C14orf39: variants seen among roughly 807,000 people sequenced by gnomAD.
C14orf39 encodes chromosome 14 open reading frame 39.
C14orf39 carries 66 observed loss-of-function variants against 85.6 expected under a neutral mutation model. The observed-to-expected ratio is 0.77, with a 90% CI of 0.63 to 0.95. The LOEUF (loss-of-function observed/expected upper bound fraction) is 0.95. C14orf39 is among the 40% of genes least tolerant of loss of function. The pLI is 0.00. For synonymous variants in C14orf39, 242 were observed against 214.0 expected (o/e 1.13, Z -1.14); for missense variants, 735 against 663.9 (o/e 1.11, Z -1.18).
At chr14:60,456,587 T>C (rs963832357) in intron 15 of C14orf39, among the ~76,000 whole-genome samples, 2 of 151,556 alleles carry the variant, frequency 1.3e-5, no homozygotes, top group South Asian at 4.2e-4. Flanking sequence ...CTTTATCCTT[T>C]GGAAAAATCT....
Position 60,453,929 on chromosome 14 carries a change from T to A in C14orf39, c.1503+1072A>T, listed in dbSNP as rs368827471. Among the ~76,000 whole-genome samples the A allele has an allele frequency of 5.3e-5, 8 of 152,076 alleles. No individual in the cohort carries two copies. The South Asian group carries it at 1.0e-3, about 20-fold the overall frequency. On this transcript the variant is annotated intron_variant, in intron 16 of 17. Coordinates refer to ENST00000321731, the MANE Select transcript of C14orf39 (RefSeq NM_174978.3). The stretch of plus-strand genomic sequence containing the variant: ...GCATGTGTTTATGTATTCATTAACT[T>A]TTTTCAGTAGTTTTGTAGTTTTCCT...
chr14:60,473,257 T>A (rs1387802646), intron 5 of C14orf39, among the ~76,000 whole-genome samples: 2 of 152,170 alleles, frequency 1.3e-5, no homozygotes, highest in East Asian at 1.9e-4. Flanking sequence ...GCGTTCTTTG[T>A]TTTTTCTTAT....
chr14:60,442,879 G>C (rs1053310225), intron 16 of C14orf39, among the ~76,000 whole-genome samples: 1 of 152,060 alleles, frequency 6.6e-6, no homozygotes, highest in African/African-American at 2.4e-5. Context: ...TTGTCAAATG[G>C]ACTTTGCTCA....
chr14:60,511,090 G>A, intron 1 of C14orf39: 2 of 1,612,782 alleles, frequency 1.2e-6, no homozygotes, highest in South Asian at 2.2e-5. Context: ...GTAGACTCCA[G>A]CAGCAGGTCC....
intron 16 of C14orf39, among the ~76,000 whole-genome samples, chr14:60,445,678 C>T (rs1890732451): frequency 6.6e-6 from 1 of 152,118 alleles, no homozygotes; most frequent in Non-Finnish European, 1.5e-5. Context: ...ACAAGGATAT[C>T]CAGGACTTGA....
intron 5 of C14orf39, among the ~76,000 whole-genome samples, 154 bp from the exon 6 acceptor site, chr14:60,471,893 ACT>A (rs1459745791): frequency 6.6e-6 from 1 of 151,816 alleles, no homozygotes; most frequent in African/African-American, 2.4e-5. Flanking sequence ...ACTTTCCTTA[ACT>A]CCACCACACT....
intron 7 of C14orf39, among the ~76,000 whole-genome samples, chr14:60,470,447 T>C (rs1209446618): frequency 6.6e-6 from 1 of 151,948 alleles, no homozygotes; most frequent in Non-Finnish European, 1.5e-5. Context: ...TATAAGTCTA[T>C]TATTATCAAG....
intron 15 of C14orf39, among the ~76,000 whole-genome samples, chr14:60,456,337 C>T (rs935757602): frequency 1.3e-5 from 2 of 151,816 alleles, no homozygotes; most frequent in South Asian, 4.2e-4. Context: ...TTGCTTCAGA[C>T]ACTACAACAT....
At chr14:60,509,355 C>A in intron 1 of C14orf39, 8 of 1,553,652 alleles carry the variant, frequency 5.1e-6, no homozygotes, top group Non-Finnish European at 7.0e-6. Flanking sequence ...TGCTGCGTGT[C>A]CCGCTCCGGG....
Position 60,485,986 on chromosome 14 carries a change from C to G in C14orf39, c.-50G>C, listed in dbSNP as rs1226509485. 10 of 153,228 alleles carry G rather than the reference C, an allele frequency of 6.5e-5. No individual in the cohort carries two copies. Among genetic ancestry groups the G allele is most frequent in the African/African-American group, 2.4e-4 (10 of 41,592 alleles). The allele number at this position is 153,228 out of a possible 1,614,324, so 9.5% of individuals were successfully genotyped here. On this transcript the variant is annotated 5_prime_UTR_variant, in exon 1 of 18. Coordinates refer to ENST00000321731, the MANE Select transcript of C14orf39 (RefSeq NM_174978.3). ...GACCCGAACGCCCACACCCTCCCTC[C>G]CTGGGGTCCCAAACTCCACTCAGGA...
chr14:60,484,095 A>G lies in C14orf39; in HGVS notation c.107-278T>C, dbSNP rs1490994433. Reference sequence around the variant, plus strand: ...TCTTTAACATAAAAGGGCTAGATTCAGTGATATCTAAGGTCAATCGTATCT... The same window carrying G: ...TCTTTAACATAAAAGGGCTAGATTCGGTGATATCTAAGGTCAATCGTATCT... On this transcript the variant is annotated intron_variant, in intron 3 of 17. Coordinates refer to ENST00000321731, the MANE Select transcript of C14orf39 (RefSeq NM_174978.3). The surrounding 1 kb of genome is among the most constrained non-coding windows in gnomAD (Gnocchi z 4.2). 6.6e-6 allele frequency among the ~76,000 whole-genome samples: 1 copy of G among 152,216 alleles called. No homozygotes were observed. Among genetic ancestry groups the G allele is most frequent in the Non-Finnish European group, 1.5e-5 (1 of 68,028 alleles).
chr14:60,442,031 G>A (rs758279078), intron 17 of C14orf39, 43 bp downstream of exon 17: 7 of 1,363,110 alleles, frequency 5.1e-6, no homozygotes, highest in Admixed American at 1.7e-5. Context: ...CTGTACTAAT[G>A]AGTTAACATG....
intron 17 of C14orf39, among the ~76,000 whole-genome samples, chr14:60,440,864 T>C (rs953651695): frequency 1.3e-5 from 2 of 152,128 alleles, no homozygotes; most frequent in African/African-American, 4.8e-5. Context: ...TTTTTGCCCT[T>C]TGCTTGGAAC....
intron 16 of C14orf39, among the ~76,000 whole-genome samples, chr14:60,447,992 G>A (rs1422001538): frequency 1.3e-5 from 2 of 152,206 alleles, no homozygotes; most frequent in South Asian, 2.1e-4. Flanking sequence ...CTAGCCATAT[G>A]TAGAAAGCTG....
At chr14:60,478,596 T>C (rs923231924) in intron 4 of C14orf39, among the ~76,000 whole-genome samples, 2 of 152,168 alleles carry the variant, frequency 1.3e-5, no homozygotes, top group Non-Finnish European at 2.9e-5. Context: ...TCAATATTCA[T>C]GAATTTTTAT....
chr14:60,446,375 T>A (rs1245457905), intron 16 of C14orf39, among the ~76,000 whole-genome samples: 1 of 152,158 alleles, frequency 6.6e-6, no homozygotes, highest in Admixed American at 6.6e-5. Context: ...ATATCACCAC[T>A]GATCCCACAG....
At position 60,510,971 on chromosome 14, in the gene C14orf39, G is replaced by C; in HGVS notation, c.-144+4424C>G. The C allele has an allele frequency of 3.7e-6, 4 of 1,092,778 alleles. No individual in the cohort carries two copies. In the South Asian group the frequency reaches 5.7e-5, roughly 15 times the overall value. 67.7% of individuals were successfully genotyped at this position (1,092,778 alleles called of 1,614,324 possible). On this transcript the variant is annotated intron_variant, in intron 1 of 5. Transcript: ENST00000556799. ...GAGTAATCCTCGCCTTAACTGCTGG[G>C]GTCTTCGGAAGAACCTCTAGCCGCC...
chr14:60,500,014 C>T (rs1893117801), intron 1 of C14orf39, among the ~76,000 whole-genome samples: 1 of 152,008 alleles, frequency 6.6e-6, no homozygotes, highest in African/African-American at 2.4e-5. Flanking sequence ...TGAGGAGGGA[C>T]TAGCACTCCT....
In C14orf39 at chr14:60,511,363, G is replaced by A. The variant is rs941382009; in HGVS notation, c.-144+4032C>T. On this transcript the variant is annotated intron_variant, in intron 1 of 5. Transcript: ENST00000556799. ...GCAAATCCAGCGCCACAGAAGCCAGGTGACCAGGGACCCGCGGGCTCGGGT... is the reference window on the plus strand; with the variant it reads ...GCAAATCCAGCGCCACAGAAGCCAGATGACCAGGGACCCGCGGGCTCGGGT... The A allele has an allele frequency of 8.4e-6, 11 of 1,310,602 alleles. No individual in the cohort carries two copies. The African/African-American group carries it at 1.2e-4, about 14-fold the overall frequency. The allele number at this position is 1,310,602 out of a possible 1,614,324, so 81.2% of individuals were successfully genotyped here. A position where few individuals can be genotyped will look rare whatever the true frequency, so the allele number is the denominator to read the frequency against.
Sources: allele counts gnomAD v4.1 joint callset (sites outside exome capture counted in the v4.1 genomes callset), GRCh38; gene constraint gnomAD v4.1.1; non-coding constraint Gnocchi (gnomAD v3.1); transcripts MANE v1.5; gene names NCBI Gene and HGNC (gene_info 2026-07-23, HGNC 2026-07-21).